SLCO5A1: variants seen among roughly 807,000 people sequenced by gnomAD.
The protein encoded by SLCO5A1 is solute carrier organic anion transporter family member 5A1.
In SLCO5A1, 39 loss-of-function variants were observed where a neutral mutation model predicts 65.1. The observed-to-expected ratio is 0.60, with a 90% CI of 0.46 to 0.78. The LOEUF (loss-of-function observed/expected upper bound fraction) is 0.78, where lower values mean the gene tolerates loss of function less well. Among genes scored for constraint, SLCO5A1 ranks in the 30% least tolerant of loss-of-function variants. The probability of loss-of-function intolerance (pLI) is 0.00; values close to 1 mark genes in which losing one functional copy is unlikely to be tolerated. For synonymous variants in SLCO5A1, 438 were observed against 415.7 expected (o/e 1.05, Z -0.65); for missense variants, 1,029 against 1,069.4 (o/e 0.96, Z 0.53).
intron 6 of SLCO5A1, among the ~76,000 whole-genome samples, chr8:69,683,926 C>T (rs116175189): frequency 0.021 from 3,170 of 152,220 alleles, 91 homozygotes; most frequent in African/African-American, 0.063. Flanking sequence ...CCCAATCATG[C>T]GTGTTAATTG....
At chr8:69,764,370 A>T (rs1817954016) in intron 2 of SLCO5A1, among the ~76,000 whole-genome samples, 1 of 152,222 alleles carries the variant, frequency 6.6e-6, no homozygotes, top group South Asian at 2.1e-4. Flanking sequence ...TACACTTTGA[A>T]TGATTTTGTA....
rs200165438 is a variant in SLCO5A1 at position 69,784,971 on chromosome 8, AAG to A, written c.908-23098_908-23097del. Among the ~76,000 whole-genome samples, 96 of 150,820 alleles carry A rather than the reference AAG, an allele frequency of 6.4e-4. 1 individual carries two copies. Among genetic ancestry groups the A allele is most frequent in the African/African-American group, 1.6e-3 (64 of 40,876 alleles). On this transcript the variant is annotated intron_variant, in intron 2 of 9. Transcript: ENST00000260126. ...GAAAGAAGAAAGGAAGGAAGAAAGA[AAG>A]AGAAAGAAAGAAAGAAAAGCGAAAG...
At chr8:69,764,937 A>T (rs1303843153) in intron 2 of SLCO5A1, among the ~76,000 whole-genome samples, 3 of 152,222 alleles carry the variant, frequency 2.0e-5, no homozygotes, top group Admixed American at 6.5e-5. Flanking sequence ...ATTGTGCAGG[A>T]TGTGTACAGG....
intron 5 of SLCO5A1, among the ~76,000 whole-genome samples, chr8:69,708,383 C>T (rs141747697): frequency 9.2e-5 from 14 of 152,080 alleles, no homozygotes; most frequent in African/African-American, 2.4e-4. Flanking sequence ...ATATAGTATT[C>T]GGTATATAAT....
intron 4 of SLCO5A1, 114 bp downstream of exon 4, chr8:69,755,309 AT>A: frequency 1.3e-6 from 1 of 756,794 alleles, no homozygotes. Context: ...CTTACTCTCA[AT>A]CTTAGTACTT....
chr8:69,788,290 T>TA (rs1296000778), intron 2 of SLCO5A1, among the ~76,000 whole-genome samples: 13 of 152,014 alleles, frequency 8.6e-5, no homozygotes, highest in South Asian at 2.1e-4. Context: ...AAACTTGATT[T>TA]AAAAAAAACA....
At chr8:69,679,268 G>C in intron 8 of SLCO5A1, 110 bp downstream of exon 8, 1 of 1,467,582 alleles carries the variant, frequency 6.8e-7, no homozygotes, top group Non-Finnish European at 9.3e-7. Context: ...TCCTGCACAT[G>C]CTAATTTTGC....
intron 4 of SLCO5A1, among the ~76,000 whole-genome samples, chr8:69,741,531 T>C (rs1816786072): frequency 6.6e-6 from 1 of 152,180 alleles, no homozygotes; most frequent in African/African-American, 2.4e-5. Flanking sequence ...CCTCAAAATA[T>C]TTCCCCACAA....
intron 2 of SLCO5A1, among the ~76,000 whole-genome samples, chr8:69,804,922 T>C (rs189194279): frequency 3.3e-5 from 5 of 152,280 alleles, no homozygotes; most frequent in Admixed American, 2.6e-4. Flanking sequence ...TTCTGGATTC[T>C]CCTGGATGAA....
chr8:69,759,570 A>G (rs2130862251), intron 3 of SLCO5A1, among the ~76,000 whole-genome samples: 1 of 152,330 alleles, frequency 6.6e-6, no homozygotes, highest in African/African-American at 2.4e-5. Flanking sequence ...TCACATAGGT[A>G]TTAGGTGGCA....
chr8:69,676,680 T>A lies in SLCO5A1; in HGVS notation c.2025-7A>T, dbSNP rs1287599831. 5 of 1,607,040 alleles carry A rather than the reference T, an allele frequency of 3.1e-6. No individual in the cohort carries two copies. The African/African-American group carries it at 6.7e-5, about 22-fold the overall frequency. On this transcript the variant is annotated splice_polypyrimidine_tract_variant and splice_region_variant and intron_variant, in intron 8 of 9. Coordinates refer to ENST00000260126, the MANE Select transcript of SLCO5A1 (RefSeq NM_030958.3). ...CTCCTCATCTTCTACGGACCTACAG[T>A]GAAGGGAAAGAAGGAAATGCATTTT...
chr8:69,729,415 G>T (rs1001056468), intron 5 of SLCO5A1, among the ~76,000 whole-genome samples: 3 of 133,212 alleles, frequency 2.3e-5, no homozygotes, highest in African/African-American at 8.6e-5. Context: ...CTGCAGTCCG[G>T]CCTGGGCGAA....
chr8:69,762,943 G>C (rs138525793), intron 2 of SLCO5A1, among the ~76,000 whole-genome samples: 16 of 152,194 alleles, frequency 1.1e-4, no homozygotes, highest in Admixed American at 2.0e-4. Flanking sequence ...ATGCCCAAAG[G>C]GGGTGGGGAG....
chr8:69,776,245 T>TA (rs1255061034), intron 2 of SLCO5A1, among the ~76,000 whole-genome samples: 6 of 152,310 alleles, frequency 3.9e-5, no homozygotes, highest in African/African-American at 1.4e-4. Context: ...ACATTAATAA[T>TA]AAAGTGATTG....
At chr8:69,776,526 C>G (rs952389252) in intron 2 of SLCO5A1, among the ~76,000 whole-genome samples, 3 of 151,956 alleles carry the variant, frequency 2.0e-5, no homozygotes, top group Admixed American at 6.6e-5. Context: ...CCCATCTCTA[C>G]AAAAAATACA....
At chr8:69,696,522 A>C (rs1304868084) in intron 6 of SLCO5A1, among the ~76,000 whole-genome samples, 1 of 152,218 alleles carries the variant, frequency 6.6e-6, no homozygotes, top group Admixed American at 6.5e-5. Context: ...GTTGCCTCCC[A>C]TCTCCAATTT....
At chr8:69,765,711 A>T (rs1399929621) in intron 2 of SLCO5A1, among the ~76,000 whole-genome samples, 1 of 152,158 alleles carries the variant, frequency 6.6e-6, no homozygotes, top group Admixed American at 6.6e-5. Context: ...TCCTGCTACC[A>T]TTCTATCTTA....
At chr8:69,753,339 T>C (rs949464468) in intron 4 of SLCO5A1, among the ~76,000 whole-genome samples, 6 of 152,130 alleles carry the variant, frequency 3.9e-5, no homozygotes, top group Non-Finnish European at 7.4e-5. Flanking sequence ...GCCAGGGGGT[T>C]CATTCCTTGG....
In SLCO5A1 at chr8:69,816,183, G is replaced by A. The variant is rs186489850; in HGVS notation, c.907+15584C>T. On this transcript the variant is annotated intron_variant, in intron 2 of 9. Coordinates refer to ENST00000260126, the MANE Select transcript of SLCO5A1 (RefSeq NM_030958.3). ...GCAATGCTTTATTGGATAATTATTG[G>A]ATACTGGGGGCTCTTCTGGACATCG... Among the ~76,000 whole-genome samples, 601 of 152,160 alleles carry A rather than the reference G, an allele frequency of 3.9e-3. 4 individuals are homozygous for A. Among genetic ancestry groups the A allele is most frequent in the Non-Finnish European group, 7.1e-3 (482 of 68,002 alleles).
Sources: allele counts gnomAD v4.1 joint callset (sites outside exome capture counted in the v4.1 genomes callset), GRCh38; gene constraint gnomAD v4.1.1; transcripts MANE v1.5; gene names NCBI Gene and HGNC (gene_info 2026-07-23, HGNC 2026-07-21).